The following MEF2C variants were observed in gnomAD, a reference collection of about 807,000 sequenced individuals.
MEF2C encodes myocyte-specific enhancer factor 2C.
A neutral mutation model predicts 50.5 loss-of-function variants in MEF2C; 6 were observed. That is an observed-to-expected ratio of 0.12 (90% CI 0.07 to 0.23). The LOEUF (loss-of-function observed/expected upper bound fraction) is 0.23. Among genes scored for constraint, MEF2C ranks in the 10% least tolerant of loss-of-function variants. The probability of loss-of-function intolerance (pLI) is 1.00; values close to 1 mark genes in which losing one functional copy is unlikely to be tolerated. For missense variants in MEF2C, 276 were observed against 605.0 expected, an observed-to-expected ratio of 0.46 and a Z score of 5.70; for synonymous variants, 183 against 228.0, an observed-to-expected ratio of 0.80 and a Z score of 1.78.
intron 1 of MEF2C, chr5:88,889,363 T>G (rs1834284102): frequency 6.5e-6 from 1 of 153,194 alleles, no homozygotes; most frequent in East Asian, 1.9e-4. Flanking sequence ...TACTCTTCTC[T>G]CTGCCCGTCT....
intron 1 of MEF2C, among the ~76,000 whole-genome samples, chr5:88,835,544 G>A (rs1814735264): frequency 6.6e-6 from 1 of 152,022 alleles, no homozygotes; most frequent in Admixed American, 6.6e-5. Context: ...TGGCGCAGTG[G>A]CTCATGCCTG....
chr5:88,789,274 C>G (rs868859165), intron 3 of MEF2C, among the ~76,000 whole-genome samples: 31 of 151,604 alleles, frequency 2.0e-4, no homozygotes, highest in African/African-American at 5.8e-4. Flanking sequence ...TCAGGTGATT[C>G]TCTGACCTCA....
chr5:88,736,109 A>T, intron 6 of MEF2C: 1 of 985,318 alleles, frequency 1.0e-6, no homozygotes, highest in Non-Finnish European at 1.2e-6. Context: ...CCAATGAGAT[A>T]CCAAATCTTA....
chr5:88,882,214 A>G (rs541838089), intron 1 of MEF2C, among the ~76,000 whole-genome samples: 7 of 152,324 alleles, frequency 4.6e-5, no homozygotes, highest in African/African-American at 1.7e-4. Flanking sequence ...GAGTTTGGTA[A>G]CTTTCATTCC....
chr5:88,740,325 G>A (rs1351088439), intron 6 of MEF2C: 1 of 984,916 alleles, frequency 1.0e-6, no homozygotes, highest in Non-Finnish European at 1.2e-6. Flanking sequence ...CACATACTGT[G>A]TAAGCTCTGG....
intron 6 of MEF2C, chr5:88,735,262 G>A: frequency 4.1e-6 from 4 of 985,386 alleles, no homozygotes; most frequent in Non-Finnish European, 4.8e-6. Flanking sequence ...ATTCACCAAA[G>A]AGAATGGTCG....
chr5:88,749,434 A>C, intron 5 of MEF2C: 1 of 984,820 alleles, frequency 1.0e-6, no homozygotes, highest in South Asian at 4.7e-5. Context: ...AGAAAGTGAA[A>C]GAAAGAGTAA....
intron 3 of MEF2C, chr5:88,771,706 G>C (rs777726723): frequency 1.5e-6 from 1 of 662,812 alleles, no homozygotes; most frequent in East Asian, 1.4e-4. Context: ...AACAGTGACA[G>C]ACACTAATTC....
chr5:88,822,826 C>A (rs1809049315), intron 2 of MEF2C, among the ~76,000 whole-genome samples: 1 of 151,944 alleles, frequency 6.6e-6, no homozygotes, highest in Non-Finnish European at 1.5e-5. Context: ...TTCTCTTCCA[C>A]AGTCCAGAAA....
chr5:88,856,640 C>T (rs1823487182), intron 1 of MEF2C, among the ~76,000 whole-genome samples: 1 of 152,210 alleles, frequency 6.6e-6, no homozygotes, highest in African/African-American at 2.4e-5. Flanking sequence ...GCCCTGTGTC[C>T]CAGCTGTGGC....
chr5:88,794,944 G>C (rs1795364844), intron 3 of MEF2C, among the ~76,000 whole-genome samples: 1 of 152,156 alleles, frequency 6.6e-6, no homozygotes, highest in African/African-American at 2.4e-5. Flanking sequence ...TCAAAGATAA[G>C]ATAGTTGTAG....
intron 1 of MEF2C, among the ~76,000 whole-genome samples, chr5:88,851,659 T>C (rs1218796552): frequency 6.6e-6 from 1 of 152,116 alleles, no homozygotes; most frequent in African/African-American, 2.4e-5. Context: ...TTCGTAATAA[T>C]TTCACATTCT....
At chr5:88,862,428 T>C (rs899787490) in intron 1 of MEF2C, among the ~76,000 whole-genome samples, 5 of 152,186 alleles carry the variant, frequency 3.3e-5, no homozygotes, top group Non-Finnish European at 7.4e-5. Flanking sequence ...TGTTTACAGA[T>C]TTATCCCCTT....
chr5:88,873,827 T>C (rs1830304931), intron 1 of MEF2C, among the ~76,000 whole-genome samples: 1 of 149,650 alleles, frequency 6.7e-6, no homozygotes, highest in African/African-American at 2.5e-5. Flanking sequence ...CTATATAGAG[T>C]CTAAGTGAAC....
rs1305485511 is a variant in MEF2C, at chr5:88,719,374, T to A, written c.*3230A>T. On this transcript the variant is annotated 3_prime_UTR_variant, in exon 11 of 11. Coordinates refer to ENST00000504921, the MANE Select transcript of MEF2C (RefSeq NM_002397.5). ...GAAATAAACAGCCTCCACGCAGCAA[T>A]GCATACAATATACAGGTTGTGCAGC... 2 of 152,218 alleles carry A rather than the reference T, an allele frequency of 1.3e-5. No individual in the cohort carries two copies. The highest frequency in any genetic ancestry group is 4.8e-5 in the African/African-American group (2 of 41,462). The allele number at this position is 152,218 out of a possible 1,614,324, so 9.4% of individuals were successfully genotyped here. A position where few individuals can be genotyped will look rare whatever the true frequency, so the allele number is the denominator to read the frequency against.
At chr5:88,724,318 T>A (rs1757640257) in intron 10 of MEF2C, among the ~76,000 whole-genome samples, 1 of 151,980 alleles carries the variant, frequency 6.6e-6, no homozygotes, top group East Asian at 1.9e-4. Flanking sequence ...TTTTGGGAGA[T>A]GCAATACAAA....
At chr5:88,821,410 A>G (rs1356950667) in intron 2 of MEF2C, among the ~76,000 whole-genome samples, 2 of 151,814 alleles carry the variant, frequency 1.3e-5, no homozygotes, top group African/African-American at 2.4e-5. Flanking sequence ...GCATGCCACT[A>G]CCACACCCAG....
intron 3 of MEF2C, 41 bp from the exon 4 acceptor site, chr5:88,761,369 C>T: frequency 2.5e-6 from 4 of 1,582,510 alleles, no homozygotes; most frequent in Non-Finnish European, 3.4e-6. Flanking sequence ...TAGACAAAGG[C>T]TGTAAGAGAC....
chr5:88,741,371 A>G, intron 6 of MEF2C: 1 of 985,328 alleles, frequency 1.0e-6, no homozygotes, highest in African/African-American at 1.7e-5. Context: ...AATCCGGAAA[A>G]AGAGGAGTTT....
Sources: gnomAD v4.1 joint callset for allele counts (sites outside exome capture counted in the v4.1 genomes callset) on GRCh38, gnomAD v4.1.1 for gene constraint, MANE v1.5 for transcripts, NCBI Gene and HGNC (gene_info 2026-07-23, HGNC 2026-07-21) for gene names.